CELF2: variants seen among roughly 807,000 people sequenced by gnomAD.
CELF2 encodes CUGBP Elav-like family member 2, also known as CUG triplet repeat RNA-binding protein 2.
A neutral mutation model predicts 62.6 loss-of-function variants in CELF2; 8 were observed. The observed-to-expected ratio is 0.13, with a 90% CI of 0.07 to 0.23. CELF2 has a LOEUF of 0.23. Among genes scored for constraint, CELF2 ranks in the 10% least tolerant of loss-of-function variants. CELF2 has a pLI of 1.00. For missense variants in CELF2, 333 were observed against 671.0 expected (o/e 0.50, Z 5.56); for synonymous variants, 258 against 250.0 (o/e 1.03, Z -0.30).
At chr10:11,135,264 T>C (rs560293316) in intron 1 of CELF2, among the ~76,000 whole-genome samples, 87 of 152,348 alleles carry the variant, frequency 5.7e-4, no homozygotes, top group African/African-American at 2.0e-3. Context: ...TCAGTACTTG[T>C]TTTAAAATAA....
rs569325987 is a variant in CELF2, at chr10:11,204,828, G to A, written c.272-12597G>A. On this transcript the variant is annotated intron_variant, in intron 2 of 12. Coordinates refer to ENST00000633077, the MANE Select transcript of CELF2 (RefSeq NM_001326342.2). ...AGCGTTTAGGACATCACGTCTTCTT[G>A]TGAAGCCCAGTGTTAACTGCTTTTG... is the stretch of plus-strand genomic sequence containing the variant. Among the ~76,000 whole-genome samples the A allele has an allele frequency of 2.6e-5, 4 of 152,332 alleles. No individual in the cohort carries two copies. In the East Asian group the frequency reaches 5.8e-4, roughly 22 times the overall value.
chr10:10,768,188 A>C, the CELF2 span, among the ~76,000 whole-genome samples: 5 of 151,822 alleles, frequency 3.3e-5, no homozygotes, highest in Non-Finnish European at 7.4e-5. Flanking sequence ...AAAACCAAAA[A>C]ACTTGCCAGC....
chr10:10,971,150 T>C (rs537566809), intron 2 of CELF2, among the ~76,000 whole-genome samples: 2 of 152,312 alleles, frequency 1.3e-5, no homozygotes, highest in East Asian at 3.9e-4. Context: ...TCATATCTGC[T>C]TCTCTGGCTG....
At chr10:10,745,918 G>A in the CELF2 span, among the ~76,000 whole-genome samples, 1 of 152,212 alleles carries the variant, frequency 6.6e-6, no homozygotes. Flanking sequence ...GCATCATGTT[G>A]ATATTATTTC....
chr10:10,736,154 CA>C, the CELF2 span, among the ~76,000 whole-genome samples: 5 of 152,088 alleles, frequency 3.3e-5, no homozygotes, highest in Non-Finnish European at 5.9e-5. Context: ...TCTGGGCAGC[CA>C]AAACAAGATA....
At chr10:11,257,534 A>C in intron 4 of CELF2, 1 of 540,622 alleles carries the variant, frequency 1.8e-6, no homozygotes, top group Non-Finnish European at 3.3e-6. Flanking sequence ...ACACGGGGAG[A>C]TGGGTTCAGG....
chr10:10,915,983 A>AT (rs1226190005), intron 1 of CELF2, among the ~76,000 whole-genome samples: 1 of 152,258 alleles, frequency 6.6e-6, no homozygotes, highest in Non-Finnish European at 1.5e-5. Flanking sequence ...AATAATGGAC[A>AT]TTGTGCCTAT....
intron 11 of CELF2, among the ~76,000 whole-genome samples, chr10:11,325,053 G>T (rs1047032007): frequency 7.9e-5 from 12 of 152,176 alleles, no homozygotes; most frequent in Non-Finnish European, 1.5e-4. Flanking sequence ...GAAAAGCGAG[G>T]GCAGCTTAGG....
chr10:11,116,559 G>T (rs2056607820), intron 1 of CELF2, among the ~76,000 whole-genome samples: 1 of 152,222 alleles, frequency 6.6e-6, no homozygotes, highest in Non-Finnish European at 1.5e-5. Context: ...ACAGCTGGGT[G>T]TGCTGATAAC....
chr10:10,586,582 G>A, the CELF2 span, among the ~76,000 whole-genome samples: 3 of 152,122 alleles, frequency 2.0e-5, no homozygotes, highest in Non-Finnish European at 4.4e-5. Flanking sequence ...AAGCTATGCC[G>A]TGTAGTGGGA....
chr10:10,967,517 G>C (rs1592528572), intron 2 of CELF2, among the ~76,000 whole-genome samples: 1 of 152,284 alleles, frequency 6.6e-6, no homozygotes, highest in South Asian at 2.1e-4. Context: ...GCCTGTATGA[G>C]AAAATGGGGT....
At chr10:11,064,979 C>G (rs2067701581) in intron 1 of CELF2, among the ~76,000 whole-genome samples, 1 of 152,216 alleles carries the variant, frequency 6.6e-6, no homozygotes, top group Non-Finnish European at 1.5e-5. Context: ...CATTTGTCAC[C>G]TAGACTATCC....
At chr10:10,535,603 C>T in the CELF2 span, among the ~76,000 whole-genome samples, 1 of 152,064 alleles carries the variant, frequency 6.6e-6, no homozygotes, top group Admixed American at 6.5e-5. Context: ...GCCTGTAATC[C>T]TAGCTACTCA....
chr10:11,262,892 GA>G, intron 5 of CELF2, among the ~76,000 whole-genome samples: 1 of 117,898 alleles, frequency 8.5e-6, no homozygotes, highest in Non-Finnish European at 1.8e-5. Flanking sequence ...AAGTAACAAA[GA>G]AAAGCAAGAG....
chr10:10,901,031 G>A (rs1471653171), intron 1 of CELF2, among the ~76,000 whole-genome samples: 5 of 152,184 alleles, frequency 3.3e-5, no homozygotes, highest in East Asian at 1.9e-4. Context: ...AGAGAAATTA[G>A]AGAAGAGCTA....
the CELF2 span, among the ~76,000 whole-genome samples, chr10:10,741,966 AAG>A: frequency 6.6e-6 from 1 of 152,182 alleles, no homozygotes; most frequent in Non-Finnish European, 1.5e-5. Flanking sequence ...ATTCTTAAGT[AAG>A]AGATGTTCCT....
intron 1 of CELF2, among the ~76,000 whole-genome samples, chr10:11,151,957 C>T (rs1166072401): frequency 6.6e-6 from 1 of 152,172 alleles, no homozygotes; most frequent in Non-Finnish European, 1.5e-5. Flanking sequence ...ACAAGCCTTT[C>T]AGAGTTAGAG....
At chr10:11,032,309 C>T (rs905658974) in intron 1 of CELF2, among the ~76,000 whole-genome samples, 8 of 152,070 alleles carry the variant, frequency 5.3e-5, no homozygotes, top group Admixed American at 3.9e-4. Context: ...TCAGCTTAAA[C>T]CCCTTGAAAT....
the CELF2 span, among the ~76,000 whole-genome samples, chr10:10,532,438 A>G: frequency 6.6e-6 from 1 of 152,234 alleles, no homozygotes; most frequent in African/African-American, 2.4e-5. Context: ...TTCTCTCAAC[A>G]AGCTGTTACC....
Sources: allele counts gnomAD v4.1 joint callset (sites outside exome capture counted in the v4.1 genomes callset), GRCh38; gene constraint gnomAD v4.1.1; transcripts MANE v1.5; gene names NCBI Gene and HGNC (gene_info 2026-07-23, HGNC 2026-07-21).